The following ZNF609 variants were observed in gnomAD, a reference collection of about 807,000 sequenced individuals.
The protein encoded by ZNF609 is zinc finger protein 609.
A neutral mutation model predicts 109.5 loss-of-function variants in ZNF609; 11 were observed. The observed-to-expected ratio is 0.10, with a 90% CI of 0.06 to 0.17. The LOEUF (loss-of-function observed/expected upper bound fraction) is 0.17, where lower values mean the gene tolerates loss of function less well. ZNF609 is among the 10% of genes least tolerant of loss of function. The probability of loss-of-function intolerance (pLI) is 1.00; values close to 1 mark genes in which losing one functional copy is unlikely to be tolerated. For missense variants in ZNF609, 1,559 were observed against 1,772.4 expected, an observed-to-expected ratio of 0.88 and a Z score of 2.16; for synonymous variants, 646 against 662.0, an observed-to-expected ratio of 0.98 and a Z score of 0.37.
chr15:64,582,021 A>G (rs1736438708), intron 2 of ZNF609, among the ~76,000 whole-genome samples: 1 of 152,102 alleles, frequency 6.6e-6, no homozygotes, highest in Admixed American at 6.6e-5. Flanking sequence ...CATATTAATT[A>G]TCTTTCCAAC....
chr15:64,615,556 G>A (rs1241837400), intron 2 of ZNF609, among the ~76,000 whole-genome samples: 3 of 148,994 alleles, frequency 2.0e-5, no homozygotes, highest in East Asian at 2.0e-4. Context: ...GCACGATCTC[G>A]GCTCACTACA....
chr15:64,523,871 T>C lies in ZNF609; in HGVS notation c.747+23705T>C, dbSNP rs1893928702. On this transcript the variant is annotated intron_variant, in intron 2 of 9. Transcript: ENST00000326648. ...CCTAAGCTCTGGGTAGAATTTCAACTTTTTGCATGTTTATCAAATGGCTTT... is the reference window on the plus strand; with the variant it reads ...CCTAAGCTCTGGGTAGAATTTCAACCTTTTGCATGTTTATCAAATGGCTTT... 2.6e-5 allele frequency among the ~76,000 whole-genome samples: 4 copies of C among 152,312 alleles called. No individual in the cohort carries two copies. In the South Asian group the frequency reaches 8.3e-4, roughly 32 times the overall value.
chr15:64,549,142 G>A (rs989790182), intron 2 of ZNF609, among the ~76,000 whole-genome samples: 1 of 152,044 alleles, frequency 6.6e-6, no homozygotes, highest in Admixed American at 6.6e-5. Context: ...AAATAAAATA[G>A]TACCCACTGT....
At chr15:64,593,292 G>T in intron 2 of ZNF609, 2 of 1,485,450 alleles carry the variant, frequency 1.3e-6, no homozygotes, top group Non-Finnish European at 9.3e-7. Flanking sequence ...AGACCTGCGG[G>T]TGCTGCCCCA....
intron 1 of ZNF609, among the ~76,000 whole-genome samples, chr15:64,461,174 T>C (rs988852750): frequency 1.0e-5 from 1 of 98,702 alleles, no homozygotes; most frequent in East Asian, 3.2e-4. Context: ...CTGGGTATGT[T>C]GAGGGCGCTC....
chr15:64,519,193 G>A (rs952867735), intron 2 of ZNF609, among the ~76,000 whole-genome samples: 1 of 152,028 alleles, frequency 6.6e-6, no homozygotes, highest in Non-Finnish European at 1.5e-5. Context: ...AAGGATAAAT[G>A]GTAGTTAATT....
At chr15:64,662,404 C>T (rs117420500) in intron 3 of ZNF609, among the ~76,000 whole-genome samples, 270 of 152,290 alleles carry the variant, frequency 1.8e-3, no homozygotes, top group Non-Finnish European at 3.6e-3. Context: ...CAACTCATTA[C>T]AGCCTAGATC....
intron 2 of ZNF609, among the ~76,000 whole-genome samples, chr15:64,572,045 T>C (rs1330405780): frequency 6.6e-6 from 1 of 152,126 alleles, no homozygotes; most frequent in Non-Finnish European, 1.5e-5. Context: ...ACATTTAGGC[T>C]GATACTGAAA....
At chr15:64,590,315 C>T (rs1014382342) in intron 2 of ZNF609, among the ~76,000 whole-genome samples, 1 of 152,110 alleles carries the variant, frequency 6.6e-6, no homozygotes. Context: ...ATTGATCTCT[C>T]TCTCTCTTTT....
intron 6 of ZNF609, among the ~76,000 whole-genome samples, chr15:64,679,271 CGTGTTGGTCA>C (rs1896847654): frequency 6.6e-6 from 1 of 152,152 alleles, no homozygotes; most frequent in Non-Finnish European, 1.5e-5. Flanking sequence ...GGTGTTCTTC[CGTGTTGGTCA>C]GGCTGGTCTT....
intron 1 of ZNF609, chr15:64,471,415 C>T (rs1319024073): frequency 6.6e-6 from 1 of 151,344 alleles, no homozygotes; most frequent in Non-Finnish European, 1.5e-5. Flanking sequence ...GTAGGCAAAA[C>T]TTGTTTGTTT....
At chr15:64,676,447 T>C (rs1896811593) in intron 5 of ZNF609, among the ~76,000 whole-genome samples, 191 bp downstream of exon 5, 1 of 152,200 alleles carries the variant, frequency 6.6e-6, no homozygotes, top group Admixed American at 6.5e-5. Context: ...ATTATTTTTT[T>C]TGAGATGGAG....
intron 2 of ZNF609, among the ~76,000 whole-genome samples, chr15:64,601,712 CA>C (rs1316923673): frequency 6.6e-6 from 1 of 152,102 alleles, no homozygotes; most frequent in Non-Finnish European, 1.5e-5. Flanking sequence ...GGGAGCATAC[CA>C]GAAGACTACA....
intron 1 of ZNF609, among the ~76,000 whole-genome samples, chr15:64,488,946 CAATT>C (rs948260131): frequency 1.4e-5 from 2 of 145,492 alleles, no homozygotes; most frequent in African/African-American, 5.1e-5. Flanking sequence ...AAGAAAGAAA[CAATT>C]AGCCGGGTAT....
Position 64,474,817 on chromosome 15 carries a change from A to G in ZNF609, c.-128+13979A>G, listed in dbSNP as rs550850959. Among the ~76,000 whole-genome samples the G allele has an allele frequency of 2.2e-4, 34 of 152,090 alleles. No individual in the cohort carries two copies. In the South Asian group the frequency reaches 6.2e-3, roughly 28 times the overall value. On this transcript the variant is annotated intron_variant, in intron 1 of 9. Transcript: ENST00000326648. The stretch of plus-strand genomic sequence containing the variant: ...AGCCAGCGTAGACCTTTAAAATTAC[A>G]ATTTTGATCATTTTGCTTCTTTCTA...
chr15:64,467,014 T>C (rs1338717276), intron 1 of ZNF609, among the ~76,000 whole-genome samples: 2 of 152,300 alleles, frequency 1.3e-5, no homozygotes, highest in Middle Eastern at 3.4e-3. Context: ...ATGAGCTTTA[T>C]ATCTTGTCAA....
intron 3 of ZNF609, among the ~76,000 whole-genome samples, chr15:64,653,359 G>A (rs1896444509): frequency 6.6e-6 from 1 of 151,838 alleles, no homozygotes. Flanking sequence ...AAACTTCCTG[G>A]AAGCGCCAGG....
chr15:64,588,508 GT>G (rs1312538669), intron 2 of ZNF609, among the ~76,000 whole-genome samples: 5 of 147,922 alleles, frequency 3.4e-5, no homozygotes, highest in African/African-American at 1.2e-4. Context: ...TTGTTTTCTT[GT>G]TTTTTGTTTG....
chr15:64,622,082 T>G (rs1895885092), intron 2 of ZNF609, among the ~76,000 whole-genome samples: 1 of 152,196 alleles, frequency 6.6e-6, no homozygotes, highest in South Asian at 2.1e-4. Flanking sequence ...AGACTGCTGT[T>G]GATTGGCTTC....
Sources: gnomAD v4.1 joint callset for allele counts (sites outside exome capture counted in the v4.1 genomes callset) on GRCh38, gnomAD v4.1.1 for gene constraint, MANE v1.5 for transcripts, NCBI Gene and HGNC (gene_info 2026-07-23, HGNC 2026-07-21) for gene names.